TCF12: variants seen among roughly 807,000 people sequenced by gnomAD.
TCF12 encodes DNA-binding protein HTF4.
In TCF12, 45 loss-of-function variants were observed where a neutral mutation model predicts 86.0. That is an observed-to-expected ratio of 0.52 (90% CI 0.41 to 0.67). TCF12 has a LOEUF of 0.67. Among genes scored for constraint, TCF12 ranks in the 30% least tolerant of loss-of-function variants. The pLI is 0.00. For synonymous variants in TCF12, 330 were observed against 299.6 expected, an observed-to-expected ratio of 1.10 and a Z score of -1.05; for missense variants, 881 against 859.9, an observed-to-expected ratio of 1.02 and a Z score of -0.31.
chr15:57,064,824 GAA>G (rs2068742555), intron 4 of TCF12, among the ~76,000 whole-genome samples: 1 of 134,518 alleles, frequency 7.4e-6, no homozygotes, highest in South Asian at 2.2e-4. Context: ...GAGAGAGAGA[GAA>G]AGACTTTTCC....
chr15:56,921,025 G>T lies in TCF12; in HGVS notation c.76-1G>T. The T allele has an allele frequency of 6.3e-7, 1 of 1,590,642 alleles. No individual in the cohort carries two copies. Among genetic ancestry groups the T allele is most frequent in the Non-Finnish European group, 8.6e-7 (1 of 1,168,440 alleles). On this transcript the variant is annotated splice_acceptor_variant, in intron 2 of 20. Coordinates refer to ENST00000333725, the MANE Select transcript of TCF12 (RefSeq NM_207037.2). LOFTEE classifies it high-confidence loss of function. ...ACAGATATATTTGGGTTATTTTGCA[G>T]ATGTTTTCCCCACCTGTTAATAGTG...
intron 5 of TCF12, among the ~76,000 whole-genome samples, chr15:57,157,987 A>C (rs2054232943): frequency 6.6e-6 from 1 of 152,114 alleles, no homozygotes; most frequent in African/African-American, 2.4e-5. Context: ...GTGCATTTTA[A>C]TGTTCTCTTC....
intron 3 of TCF12, among the ~76,000 whole-genome samples, chr15:57,008,542 A>G (rs1384453309): frequency 6.6e-6 from 1 of 152,074 alleles, no homozygotes; most frequent in Non-Finnish European, 1.5e-5. Flanking sequence ...TTTACTCAAT[A>G]GGTTTTTCTT....
chr15:57,014,559 C>T (rs2065033270), intron 3 of TCF12, among the ~76,000 whole-genome samples: 1 of 152,132 alleles, frequency 6.6e-6, no homozygotes, highest in Non-Finnish European at 1.5e-5. Context: ...GGATGAAAGA[C>T]CTTGGGAGTT....
chr15:57,226,977 A>G (rs2058913835), intron 8 of TCF12, among the ~76,000 whole-genome samples: 1 of 152,180 alleles, frequency 6.6e-6, no homozygotes. Context: ...AACCTATTGG[A>G]CAATACTCAT....
chr15:56,979,234 T>C (rs2062766260), intron 3 of TCF12, among the ~76,000 whole-genome samples: 1 of 152,216 alleles, frequency 6.6e-6, no homozygotes, highest in South Asian at 2.1e-4. Context: ...ACAAAGTTTA[T>C]TGTCAACAGT....
At chr15:57,264,195 C>CTTTTTTGTTTTTTTTTTTTTTTTT (rs2060729250) in intron 18 of TCF12, among the ~76,000 whole-genome samples, 1 of 50,698 alleles carries the variant, frequency 2.0e-5, no homozygotes, top group Non-Finnish European at 3.0e-5. Context: ...CTTTTGTAAG[C>CTTTTTTGTTTTTTTTTTTTTTTTT]TTTTTTTTTT....
chr15:57,247,164 A>G, intron 13 of TCF12: 1 of 556,398 alleles, frequency 1.8e-6, no homozygotes, highest in Non-Finnish European at 3.4e-6. Context: ...CACCACCACC[A>G]CCATATCCTT....
intron 13 of TCF12, chr15:57,247,244 C>T: frequency 1.6e-6 from 1 of 641,946 alleles, no homozygotes; most frequent in Non-Finnish European, 2.9e-6. Context: ...ACCATCACCT[C>T]CAAAACCATT....
chr15:56,958,694 T>A lies in TCF12; in HGVS notation c.148+37596T>A, dbSNP rs1331042121. On this transcript the variant is annotated intron_variant, in intron 3 of 20. Transcript: ENST00000333725. ...GAGAGAGAGAGTGTGTGTGTGTGTG[T>A]GTGTGTGTGTGTGTGTGTGTGAAGT... 1.0e-3 allele frequency among the ~76,000 whole-genome samples: 153 copies of A among 148,460 alleles called. 2 individuals are homozygous for A. The highest frequency in any genetic ancestry group is 3.7e-3 in the Admixed American group (55 of 14,926).
intron 3 of TCF12, among the ~76,000 whole-genome samples, chr15:56,928,462 T>G (rs2060110238): frequency 6.6e-6 from 1 of 152,132 alleles, no homozygotes; most frequent in South Asian, 2.1e-4. Flanking sequence ...TTGGATAAAA[T>G]GAAATGTTTT....
At chr15:57,098,035 AC>A (rs1443260253) in intron 5 of TCF12, among the ~76,000 whole-genome samples, 23 of 119,258 alleles carry the variant, frequency 1.9e-4, no homozygotes, top group East Asian at 2.6e-4. Flanking sequence ...AAAAAAAAAA[AC>A]CAGTCAGGCA....
rs538697877 is a variant in TCF12, at chr15:57,027,344, TG to T, written c.149-36404del. Among the ~76,000 whole-genome samples the T allele has an allele frequency of 3.7e-4, 57 of 152,344 alleles. 1 individual carries two copies. Among genetic ancestry groups the T allele is most frequent in the African/African-American group, 1.3e-3 (53 of 41,578 alleles). On this transcript the variant is annotated intron_variant, in intron 3 of 20. Coordinates refer to ENST00000333725, the MANE Select transcript of TCF12 (RefSeq NM_207037.2). ...ATTGTACAGGATAAACTCTTGTATC[TG>T]GCTTCTTTGACTCAGAATGTTTTCA...
chr15:57,124,045 G>A (rs1214387087), intron 5 of TCF12, among the ~76,000 whole-genome samples: 2 of 150,630 alleles, frequency 1.3e-5, no homozygotes, highest in Non-Finnish European at 3.0e-5. Context: ...AAATTCCTGA[G>A]CTCAAGTGAT....
intron 5 of TCF12, among the ~76,000 whole-genome samples, chr15:57,154,271 A>T (rs1005151949): frequency 3.9e-5 from 6 of 152,174 alleles, no homozygotes; most frequent in African/African-American, 1.4e-4. Context: ...ACTACTTAAC[A>T]TCTGTTTACA....
At chr15:57,251,895 G>T (rs776762770) in intron 14 of TCF12, among the ~76,000 whole-genome samples, 3 of 152,010 alleles carry the variant, frequency 2.0e-5, no homozygotes, top group Non-Finnish European at 2.9e-5. Flanking sequence ...TATTTCCCAT[G>T]TTTTCTTATG....
At chr15:56,973,524 C>T (rs1459703569) in intron 3 of TCF12, among the ~76,000 whole-genome samples, 1 of 152,028 alleles carries the variant, frequency 6.6e-6, no homozygotes, top group African/African-American at 2.4e-5. Context: ...GGGCAATGTT[C>T]CTCTTTTGTA....
intron 7 of TCF12, among the ~76,000 whole-genome samples, chr15:57,192,828 A>C (rs1230067363): frequency 6.6e-6 from 1 of 152,238 alleles, no homozygotes; most frequent in Non-Finnish European, 1.5e-5. Flanking sequence ...AATACATTGT[A>C]AGTTTTTAAT....
intron 6 of TCF12, among the ~76,000 whole-genome samples, chr15:57,172,190 T>A (rs1265107578): frequency 1.3e-5 from 2 of 152,104 alleles, no homozygotes; most frequent in African/African-American, 4.8e-5. Flanking sequence ...CAGAAAGACA[T>A]AACAATGACA....
Sources: gnomAD v4.1 joint callset for allele counts (sites outside exome capture counted in the v4.1 genomes callset) on GRCh38, gnomAD v4.1.1 for gene constraint, MANE v1.5 for transcripts, NCBI Gene and HGNC (gene_info 2026-07-23, HGNC 2026-07-21) for gene names.